TXNDC11: variants seen among roughly 807,000 people sequenced by gnomAD.
TXNDC11 encodes the protein thioredoxin domain containing 11.
TXNDC11 carries 68 observed loss-of-function variants against 78.0 expected under a neutral mutation model. That is an observed-to-expected ratio of 0.87 (90% CI 0.72 to 1.07). The LOEUF (loss-of-function observed/expected upper bound fraction) is 1.07, where lower values mean the gene tolerates loss of function less well. Ranked by LOEUF, TXNDC11 falls within the 50% of genes least tolerant of loss-of-function variation. The pLI is 0.00. For missense variants in TXNDC11, 1,389 were observed against 1,221.8 expected (o/e 1.14, Z -2.04); for synonymous variants, 571 against 495.2 (o/e 1.15, Z -2.03).
At chr16:11,709,967 A>T (rs946645461) in intron 5 of TXNDC11, among the ~76,000 whole-genome samples, 1 of 151,970 alleles carries the variant, frequency 6.6e-6, no homozygotes, top group Non-Finnish European at 1.5e-5. Flanking sequence ...CCACGGTGAA[A>T]CCCCGTCTCT....
Position 11,736,149 on chromosome 16 carries a change from C to G in TXNDC11, c.339G>C (p.Gly113=), listed in dbSNP as rs1047344636. ...LRSPVLDLFQ[G]QLDYAEYVRR... Reference sequence around the variant, plus strand: ...GAACGTACTCTGCATAATCCAGCTGCCCCTGGAAGAGGTCAAGGACTGGAG... The same window carrying G: ...GAACGTACTCTGCATAATCCAGCTGGCCCTGGAAGAGGTCAAGGACTGGAG... Residue 113 remains glycine, a synonymous_variant, in exon 2 of 12, where the codon GGG becomes GGC. Transcript: ENST00000283033. 7 of 1,614,030 alleles carry G rather than the reference C, an allele frequency of 4.3e-6. No individual in the cohort carries two copies. The African/African-American group carries it at 9.3e-5, about 22-fold the overall frequency.
At chr16:11,712,134 A>C (rs1299342671) in intron 5 of TXNDC11, among the ~76,000 whole-genome samples, 2 of 152,172 alleles carry the variant, frequency 1.3e-5, no homozygotes, top group Non-Finnish European at 2.9e-5. Context: ...CCACACCAAT[A>C]CTCTAAAAGA....
intron 1 of TXNDC11, 117 bp downstream of exon 1, chr16:11,742,360 T>A: frequency 1.2e-6 from 1 of 829,246 alleles, no homozygotes; most frequent in Non-Finnish European, 1.7e-6. Context: ...TCAGCCGTCC[T>A]GGGCAAGGTC....
chr16:11,741,912 A>T (rs1387771083), intron 1 of TXNDC11: 3 of 152,374 alleles, frequency 2.0e-5, no homozygotes, highest in African/African-American at 7.2e-5. Context: ...GCGCGCCTGT[A>T]ATCCGAGCTA....
chr16:11,737,127 T>TAAA (rs2141125106), intron 1 of TXNDC11, among the ~76,000 whole-genome samples: 1 of 152,134 alleles, frequency 6.6e-6, no homozygotes, highest in African/African-American at 2.4e-5. Flanking sequence ...CATGGAAACC[T>TAAA]AAAACGCGAT....
chr16:11,719,835 C>G (rs937414101), intron 5 of TXNDC11, among the ~76,000 whole-genome samples: 1 of 152,042 alleles, frequency 6.6e-6, no homozygotes, highest in African/African-American at 2.4e-5. Flanking sequence ...AACAGGGTAC[C>G]CAAGTTAGAC....
Position 11,723,038 on chromosome 16 carries a change from T to C in TXNDC11, c.700-1368A>G, listed in dbSNP as rs545879374. On this transcript the variant is annotated intron_variant, in intron 4 of 11. Transcript: ENST00000283033. Reference sequence around the variant, plus strand: ...TTGGGAGACCTAAGAGGGAGGATCATTTGAGGTCAGGAGTTCAAGACCAGC... The same window carrying C: ...TTGGGAGACCTAAGAGGGAGGATCACTTGAGGTCAGGAGTTCAAGACCAGC... Among the ~76,000 whole-genome samples, 175 of 152,094 alleles carry C rather than the reference T, an allele frequency of 1.2e-3. 1 individual carries two copies. The highest frequency in any genetic ancestry group is 2.5e-3 in the South Asian group (12 of 4,812).
chr16:11,684,848 G>A (rs1039087666), intron 10 of TXNDC11, among the ~76,000 whole-genome samples: 5 of 152,226 alleles, frequency 3.3e-5, no homozygotes, highest in African/African-American at 1.2e-4. Context: ...CCCACACTCG[G>A]GCTAAGCAGA....
At chr16:11,723,883 A>G (rs1448466324) in intron 4 of TXNDC11, among the ~76,000 whole-genome samples, 2 of 152,238 alleles carry the variant, frequency 1.3e-5, no homozygotes, top group Non-Finnish European at 2.9e-5. Context: ...TCTTAAATGG[A>G]TACAGAAATT....
chr16:11,695,654 A>G (rs1421864312), intron 7 of TXNDC11, among the ~76,000 whole-genome samples: 1 of 152,052 alleles, frequency 6.6e-6, no homozygotes, highest in Non-Finnish European at 1.5e-5. Context: ...GGTTCTTACT[A>G]CTTCGCAGTT....
intron 2 of TXNDC11, among the ~76,000 whole-genome samples, chr16:11,734,280 G>A (rs1178835448): frequency 6.6e-6 from 1 of 152,152 alleles, no homozygotes; most frequent in Non-Finnish European, 1.5e-5. Context: ...TGATGTCCAG[G>A]CAGGACTTGG....
intron 5 of TXNDC11, among the ~76,000 whole-genome samples, chr16:11,713,438 C>T (rs2051428569): frequency 6.6e-6 from 1 of 151,434 alleles, no homozygotes; most frequent in Non-Finnish European, 1.5e-5. Context: ...TTTTTTGAGA[C>T]AGAGTTTTGC....
chr16:11,679,574 C>G lies in TXNDC11; in HGVS notation c.2498G>C (p.Arg833Thr), dbSNP rs752307159. The part of the protein sequence containing the change: ...QVESQLSSAR[R>T]DEHRLRQQQR... ...CTGCTGCCGCAGCCGGTGCTCATCT[C>G]TGCGGGCACTGGAGAGCTGGGACTC... Residue 833 changes from arginine (R) to threonine (T), a missense_variant, in exon 12 of 12, where the codon AGA becomes ACA. Coordinates refer to ENST00000283033, the MANE Select transcript of TXNDC11 (RefSeq NM_015914.7). This position sits in a 1 kb window ranked among gnomAD's most constrained non-coding sequence, Gnocchi z 4.6. 2.5e-6 allele frequency: 4 copies of G among 1,614,066 alleles called. No homozygotes were observed. The highest frequency in any genetic ancestry group is 1.1e-5 in the South Asian group (1 of 91,078).
At chr16:11,691,023 C>T (rs748552037) in intron 8 of TXNDC11, 24 of 469,504 alleles carry the variant, frequency 5.1e-5, no homozygotes, top group Non-Finnish European at 6.8e-5. Flanking sequence ...TGACAGAAAT[C>T]GCCAATTTAG....
At chr16:11,730,186 T>C (rs1405784041) in intron 4 of TXNDC11, among the ~76,000 whole-genome samples, 2 of 152,152 alleles carry the variant, frequency 1.3e-5, no homozygotes, top group Admixed American at 6.5e-5. Flanking sequence ...CTTTCTGCAA[T>C]TAAGACCTTC....
intron 3 of TXNDC11, among the ~76,000 whole-genome samples, chr16:11,731,300 A>G (rs999809068): frequency 1.3e-5 from 2 of 152,252 alleles, no homozygotes; most frequent in East Asian, 1.9e-4. Context: ...TTGAAGCTTT[A>G]TTACAACAAT....
At position 11,735,941 on chromosome 16, in the gene TXNDC11, G is replaced by A. The variant is rs184697944; in HGVS notation, c.471+76C>T. On this transcript the variant is annotated intron_variant, in intron 2 of 11. Transcript: ENST00000283033. ...TGGCAAAGTCTGCCCGTTGGGCAAGGTGTCTCTGTGGGGACATCCTGCCCT... is the reference window on the plus strand; with the variant it reads ...TGGCAAAGTCTGCCCGTTGGGCAAGATGTCTCTGTGGGGACATCCTGCCCT... 1.4e-4 allele frequency: 194 copies of A among 1,426,000 alleles called. 1 individual carries two copies. In the African/African-American group the frequency reaches 2.0e-3, roughly 15 times the overall value. The allele number at this position is 1,426,000 out of a possible 1,614,324, so 88.3% of individuals were successfully genotyped here.
chr16:11,725,095 C>T (rs2051836454), intron 4 of TXNDC11, among the ~76,000 whole-genome samples: 1 of 152,138 alleles, frequency 6.6e-6, no homozygotes. Flanking sequence ...CTTAATCTCC[C>T]TTTATGGGAT....
intron 2 of TXNDC11, among the ~76,000 whole-genome samples, chr16:11,734,401 T>G (rs969174966): frequency 1.3e-5 from 2 of 152,154 alleles, no homozygotes; most frequent in African/African-American, 4.8e-5. Context: ...AGCTCTCAAT[T>G]TGGAAGGAGC....
Sources: gnomAD v4.1 joint callset for allele counts (sites outside exome capture counted in the v4.1 genomes callset) on GRCh38, gnomAD v4.1.1 for gene constraint, Gnocchi (gnomAD v3.1) non-coding constraint, MANE v1.5 for transcripts, NCBI Gene and HGNC (gene_info 2026-07-23, HGNC 2026-07-21) for gene names.